Variants in ZNF718 observed in about 807,000 individuals in gnomAD.
The protein encoded by ZNF718 is zinc finger protein 718.
ZNF718 carries 3 observed loss-of-function variants against 2.6 expected under a neutral mutation model. The ratio of observed to expected loss-of-function variants is 1.16; its 90% CI spans 0.53 to 3.01. The LOEUF is 3.01. ZNF718 is among the 30% of genes most tolerant of loss of function. The pLI is 0.03. For missense variants in ZNF718, 468 were observed against 230.0 expected (o/e 2.03, Z -6.69); for synonymous variants, 135 against 77.9 (o/e 1.73, Z -3.86).
downstream of ZNF718, among the ~76,000 whole-genome samples, chr4:166,861 T>A (rs1482072295): frequency 6.6e-6 from 1 of 152,040 alleles, no homozygotes; most frequent in Non-Finnish European, 1.5e-5. Context: ...TTTAATTAGA[T>A]CCCATTTGTC....
At chr4:196,398 G>A (rs1166420885) in intron 3 of ZNF718, among the ~76,000 whole-genome samples, 12 of 152,306 alleles carry the variant, frequency 7.9e-5, no homozygotes, top group Middle Eastern at 3.4e-3. Context: ...GCATAAAGAC[G>A]CAGTGTAGAG....
rs1716938690 is a variant in ZNF718, at chr4:162,497, A to G, written c.*375A>G. 6.1e-6 allele frequency: 1 copy of G among 164,178 alleles called. No individual in the cohort carries two copies. The highest frequency in any genetic ancestry group is 2.4e-5 in the African/African-American group (1 of 41,764). 10.2% of individuals were successfully genotyped at this position (164,178 alleles called of 1,614,324 possible). On this transcript the variant is annotated 3_prime_UTR_variant, in exon 4 of 4. Transcript: ENST00000510175. ...AATGCCTACTCATGTGTTACTAAAT[A>G]TCAGAGAGTTTGTACTTAATAAAAG...
At chr4:185,988 A>G (rs2108814674) in intron 3 of ZNF718, among the ~76,000 whole-genome samples, 1 of 152,036 alleles carries the variant, frequency 6.6e-6, no homozygotes, top group East Asian at 1.9e-4. Context: ...CACTTAACCT[A>G]TTCGTATTTA....
At chr4:167,113 T>G (rs1228142833), downstream of ZNF718, among the ~76,000 whole-genome samples, 1 of 152,134 alleles carries the variant, frequency 6.6e-6, no homozygotes, top group South Asian at 2.1e-4. Context: ...AGGAAATCCT[T>G]TCCCCATTTC....
At chr4:190,999 A>G (rs1717682263) in intron 3 of ZNF718, among the ~76,000 whole-genome samples, 1 of 152,048 alleles carries the variant, frequency 6.6e-6, no homozygotes, top group Non-Finnish European at 1.5e-5. Context: ...AGATCGTGCC[A>G]CTGCACTCCA....
chr4:184,670 A>G (rs1717533575), intron 3 of ZNF718, among the ~76,000 whole-genome samples: 1 of 152,088 alleles, frequency 6.6e-6, no homozygotes, highest in Admixed American at 6.6e-5. Flanking sequence ...TAGACTCTCT[A>G]TTACTGTCTC....
chr4:138,764 A>T (rs1715683980), intron 3 of ZNF718, among the ~76,000 whole-genome samples: 1 of 152,114 alleles, frequency 6.6e-6, no homozygotes, highest in Non-Finnish European at 1.5e-5. Context: ...CTAGAGTTCA[A>T]CTTTCACTTT....
chr4:146,150 G>T lies in ZNF718; in HGVS notation c.226+14645G>T, dbSNP rs192848936. Among the ~76,000 whole-genome samples the T allele has an allele frequency of 7.3e-3, 1,101 of 150,258 alleles. 11 individuals are homozygous for T. The highest frequency in any genetic ancestry group is 0.065 in the Middle Eastern group (18 of 278). ...TATATGTTTTCTTGCTGTAAGTTAG[G>T]ATTCCATCCTTATAACTTGAAAAAT... On this transcript the variant is annotated intron_variant, in intron 3 of 3. Transcript: ENST00000510175.
chr4:182,423 T>G (rs974212725), intron 3 of ZNF718, among the ~76,000 whole-genome samples: 43 of 145,928 alleles, frequency 2.9e-4, no homozygotes, highest in Admixed American at 1.8e-3. Context: ...TATTTATTTA[T>G]TTATTTATTT....
intron 3 of ZNF718, among the ~76,000 whole-genome samples, chr4:150,921 TTTTA>T (rs1716289070): frequency 6.6e-6 from 1 of 151,920 alleles, no homozygotes; most frequent in Non-Finnish European, 1.5e-5. Flanking sequence ...GTCATCAACA[TTTTA>T]TTGTCTAGGT....
chr4:163,418 G>C lies in ZNF718; in HGVS notation c.*1296G>C, dbSNP rs1716991466. The C allele has an allele frequency of 6.6e-6, 1 of 152,138 alleles. No homozygotes were observed. The highest frequency in any genetic ancestry group is 2.4e-5 in the African/African-American group (1 of 41,424). The allele number at this position is 152,138 out of a possible 1,614,324, so 9.4% of individuals were successfully genotyped here. On this transcript the variant is annotated 3_prime_UTR_variant, in exon 4 of 4. Coordinates refer to ENST00000510175, the MANE Select transcript of ZNF718 (RefSeq NM_001039127.6). ...TTAGCCGGGATGGTCTCGATCTCCT[G>C]ACCTCGTGATCCGCCCGCCTCGGCC...
At chr4:149,143 C>G (rs953842668) in intron 3 of ZNF718, among the ~76,000 whole-genome samples, 6 of 152,156 alleles carry the variant, frequency 3.9e-5, no homozygotes, top group Non-Finnish European at 7.4e-5. Flanking sequence ...GTATGTTTCA[C>G]TTTCTGATAT....
rs782032896 is a variant in ZNF718 at position 161,558 on chromosome 4, C to T, written c.873C>T (p.Ala291=). 3.8e-6 allele frequency: 3 copies of T among 780,704 alleles called. No homozygotes were observed. In the African/African-American group the frequency reaches 5.1e-5, roughly 13 times the overall value. The allele number at this position is 780,704 out of a possible 1,614,324, so 48.4% of individuals were successfully genotyped here. ...ACAAATGTGAAGAATGTGGTAAAGC[C>T]TTTAAGTGGTCCTCATCCCTTAATG... The part of the protein sequence containing the change: ...KYYKCEECGK[A]FKWSSSLNEH... Residue 291 remains alanine, a synonymous_variant, in exon 4 of 4, where the codon GCC becomes GCT. Coordinates refer to ENST00000510175, the MANE Select transcript of ZNF718 (RefSeq NM_001039127.6).
chr4:160,395 A>T (rs1430610239), intron 3 of ZNF718, among the ~76,000 whole-genome samples: 17 of 152,198 alleles, frequency 1.1e-4, no homozygotes, highest in African/African-American at 4.1e-4. Flanking sequence ...TAGATTTCAC[A>T]CAAAGGCATT....
intron 3 of ZNF718, among the ~76,000 whole-genome samples, chr4:194,738 A>G (rs1288067479): frequency 1.3e-5 from 2 of 152,196 alleles, no homozygotes; most frequent in African/African-American, 2.4e-5. Context: ...TGAGAGGGAA[A>G]AAGACAAATG....
rs1715533624 is a variant in ZNF718, at chr4:135,732, T to TATATATATA, written c.226+4227_226+4228insATATATATA. ...GAGTTTTTGTTCATTTACTCTAGAG[T>TATATATATA]TATATATATGTGCATGATTATATAA... On this transcript the variant is annotated intron_variant, in intron 3 of 3. Coordinates refer to ENST00000510175, the MANE Select transcript of ZNF718 (RefSeq NM_001039127.6). 2.6e-5 allele frequency among the ~76,000 whole-genome samples: 2 copies of TATATATATA among 77,632 alleles called. 1 individual carries two copies. Among genetic ancestry groups the TATATATATA allele is most frequent in the African/African-American group, 8.8e-5 (2 of 22,698 alleles). The allele number at this position is 77,632 out of a possible 152,430, so 50.9% of individuals were successfully genotyped here.
At position 144,271 on chromosome 4, in the gene ZNF718, A is replaced by G. The variant is rs543370355; in HGVS notation, c.226+12766A>G. 5.3e-5 allele frequency among the ~76,000 whole-genome samples: 8 copies of G among 152,322 alleles called. No individual in the cohort carries two copies. The East Asian group carries it at 1.5e-3, about 29-fold the overall frequency. ...TATTTTGTCCAATTCTTTGTTCAAGATGCCAAGAACCCGGATACTTTCTAG... is the reference window on the plus strand; with the variant it reads ...TATTTTGTCCAATTCTTTGTTCAAGGTGCCAAGAACCCGGATACTTTCTAG... On this transcript the variant is annotated intron_variant, in intron 3 of 3. Transcript: ENST00000510175.
At chr4:195,543 C>T (rs1003757036) in intron 3 of ZNF718, among the ~76,000 whole-genome samples, 12 of 151,772 alleles carry the variant, frequency 7.9e-5, no homozygotes, top group Admixed American at 2.0e-4. Flanking sequence ...AATAGAATAG[C>T]CCTATACTTT....
chr4:180,475 G>T (rs1369564269), intron 3 of ZNF718, among the ~76,000 whole-genome samples: 1 of 152,154 alleles, frequency 6.6e-6, no homozygotes, highest in African/African-American at 2.4e-5. Flanking sequence ...CTCTCGGTCG[G>T]GTTCAGTGAC....
Sources: allele counts gnomAD v4.1 joint callset (sites outside exome capture counted in the v4.1 genomes callset), GRCh38; gene constraint gnomAD v4.1.1; transcripts MANE v1.5; gene names NCBI Gene and HGNC (gene_info 2026-07-23, HGNC 2026-07-21).